HSD17B12: variants seen among roughly 807,000 people sequenced by gnomAD.
The protein encoded by HSD17B12 is hydroxysteroid 17-beta dehydrogenase 12, also known as very-long-chain 3-oxoacyl-CoA reductase.
HSD17B12 carries 32 observed loss-of-function variants against 39.3 expected under a neutral mutation model. That is an observed-to-expected ratio of 0.81 (90% CI 0.61 to 1.09). The LOEUF (loss-of-function observed/expected upper bound fraction) is 1.09. HSD17B12 is among the 50% of genes least tolerant of loss of function. HSD17B12 has a pLI of 0.00. For missense variants in HSD17B12, 342 were observed against 382.9 expected (o/e 0.89, Z 0.89); for synonymous variants, 150 against 146.7 (o/e 1.02, Z -0.16).
chr11:43,852,705 G>A (rs1292272706), intron 9 of HSD17B12: 4 of 152,118 alleles, frequency 2.6e-5, no homozygotes, highest in Admixed American at 1.3e-4. Context: ...TGCTCTCATA[G>A]ACTATATCCT....
chr11:43,827,885 AT>A (rs1951261640), intron 6 of HSD17B12, among the ~76,000 whole-genome samples: 1 of 152,218 alleles, frequency 6.6e-6, no homozygotes, highest in South Asian at 2.1e-4. Flanking sequence ...CAAGACATTC[AT>A]TTTTCCTCAT....
chr11:43,789,846 C>T lies in HSD17B12; in HGVS notation c.284-8474C>T, dbSNP rs1023825250. On this transcript the variant is annotated intron_variant, in intron 3 of 10. Transcript: ENST00000278353. The stretch of plus-strand genomic sequence containing the variant: ...ACTTGGGAGGCTGAGATGGGAGGAT[C>T]TCTTGAACCCAGAAGGTCCAAGCTG... Among the ~76,000 whole-genome samples, 7 of 152,080 alleles carry T rather than the reference C, an allele frequency of 4.6e-5. 1 individual carries two copies. The East Asian group carries it at 1.4e-3, about 29-fold the overall frequency.
the HSD17B12 span, among the ~76,000 whole-genome samples, chr11:43,634,845 T>C: frequency 1.3e-5 from 2 of 152,200 alleles, no homozygotes; most frequent in Non-Finnish European, 2.9e-5. Context: ...TAAGAACGCG[T>C]GTGTACTGTC....
intron 4 of HSD17B12, among the ~76,000 whole-genome samples, chr11:43,801,616 A>T: frequency 9.8e-5 from 2 of 20,382 alleles, no homozygotes; most frequent in Non-Finnish European, 3.0e-4. Flanking sequence ...ATATATATAT[A>T]TATATATATA....
intron 8 of HSD17B12, 121 bp from the exon 9 acceptor site, chr11:43,839,878 G>GA (rs1389826168): frequency 3.3e-5 from 28 of 854,896 alleles, no homozygotes; most frequent in South Asian, 2.6e-4. Flanking sequence ...CGTTTGAAAT[G>GA]AAAAAAATGA....
the HSD17B12 span, among the ~76,000 whole-genome samples, chr11:43,575,914 C>G: frequency 6.6e-6 from 1 of 152,178 alleles, no homozygotes; most frequent in Admixed American, 6.5e-5. This position sits in a 1 kb window ranked among gnomAD's most constrained non-coding sequence, Gnocchi z 4.1. Context: ...GCAAACACAA[C>G]GCGATTTTGC....
chr11:43,773,300 G>A (rs1452079834), intron 3 of HSD17B12, among the ~76,000 whole-genome samples: 1 of 152,100 alleles, frequency 6.6e-6, no homozygotes, highest in Non-Finnish European at 1.5e-5. Context: ...CTGGAGTGTA[G>A]TGGTGTGATC....
At chr11:43,778,407 TA>T (rs1209612490) in intron 3 of HSD17B12, among the ~76,000 whole-genome samples, 1 of 152,100 alleles carries the variant, frequency 6.6e-6, no homozygotes, top group Non-Finnish European at 1.5e-5. Flanking sequence ...ACCAGAGGTA[TA>T]AGGAGGAACT....
chr11:43,795,919 A>T (rs1366294666), intron 3 of HSD17B12, among the ~76,000 whole-genome samples: 1 of 151,852 alleles, frequency 6.6e-6, no homozygotes, highest in Non-Finnish European at 1.5e-5. Flanking sequence ...GCTGGGGGGG[A>T]TGGTTGCATT....
chr11:43,611,788 C>G, the HSD17B12 span, among the ~76,000 whole-genome samples: 1 of 152,174 alleles, frequency 6.6e-6, no homozygotes, highest in African/African-American at 2.4e-5. Flanking sequence ...AACTACCCAT[C>G]ATACATTATC....
chr11:43,587,626 G>A, the HSD17B12 span, among the ~76,000 whole-genome samples: 1 of 152,226 alleles, frequency 6.6e-6, no homozygotes, highest in Admixed American at 6.5e-5. Context: ...GAGAGGCAAG[G>A]CAGACGTGGA....
chr11:43,581,601 TC>T, the HSD17B12 span: 4 of 381,504 alleles, frequency 1.0e-5, no homozygotes, highest in East Asian at 3.0e-4. This position sits in a 1 kb window ranked among gnomAD's most constrained non-coding sequence, Gnocchi z 4.9. Flanking sequence ...TTCGGCCCTT[TC>T]CCCCGTCCTT....
At chr11:43,687,416 G>A (rs1477909729) in intron 1 of HSD17B12, among the ~76,000 whole-genome samples, 1 of 152,190 alleles carries the variant, frequency 6.6e-6, no homozygotes, top group Non-Finnish European at 1.5e-5. Flanking sequence ...ACTGTGCTAT[G>A]GTAAGTGGTG....
the HSD17B12 span, among the ~76,000 whole-genome samples, chr11:43,563,987 T>A: frequency 1.3e-4 from 20 of 152,032 alleles, no homozygotes; most frequent in Non-Finnish European, 2.2e-4. Flanking sequence ...CAATCATCGC[T>A]CACTACAGCC....
the HSD17B12 span, among the ~76,000 whole-genome samples, chr11:43,605,229 A>C: frequency 6.6e-6 from 1 of 152,128 alleles, no homozygotes; most frequent in Non-Finnish European, 1.5e-5. Context: ...TAGGTGGTCC[A>C]TGGAATGACT....
the HSD17B12 span, among the ~76,000 whole-genome samples, chr11:43,586,988 GA>G: frequency 2.0e-5 from 3 of 152,210 alleles, no homozygotes; most frequent in Non-Finnish European, 4.4e-5. Flanking sequence ...AGAAAAATGA[GA>G]TGGGGTGAAA....
At chr11:43,572,561 G>A in the HSD17B12 span, among the ~76,000 whole-genome samples, 13,257 of 152,210 alleles carry the variant, frequency 0.087, 627 homozygotes, top group South Asian at 0.14. Context: ...AAGACTTTTA[G>A]ACAAGCTGTT....
Position 43,805,461 on chromosome 11 carries a change from C to T in HSD17B12, c.391+7034C>T, listed in dbSNP as rs191217056. On this transcript the variant is annotated intron_variant, in intron 4 of 10. Coordinates refer to ENST00000278353, the MANE Select transcript of HSD17B12 (RefSeq NM_016142.3). Reference sequence around the variant, plus strand: ...TCAGTGGGGTGCAGAGATGGAGACACGCAGAAGGACAAAATAAAATTATGT... The same window carrying T: ...TCAGTGGGGTGCAGAGATGGAGACATGCAGAAGGACAAAATAAAATTATGT... 3.2e-4 allele frequency among the ~76,000 whole-genome samples: 49 copies of T among 152,144 alleles called. No individual in the cohort carries two copies. In the East Asian group the frequency reaches 7.1e-3, roughly 22 times the overall value.
the HSD17B12 span, among the ~76,000 whole-genome samples, chr11:43,657,906 C>CT: frequency 1.3e-5 from 2 of 152,194 alleles, no homozygotes; most frequent in African/African-American, 4.8e-5. Flanking sequence ...TGAGGAGTAT[C>CT]TTTGTGGTGT....
Sources: gnomAD v4.1 joint callset for allele counts (sites outside exome capture counted in the v4.1 genomes callset) on GRCh38, gnomAD v4.1.1 for gene constraint, Gnocchi (gnomAD v3.1) non-coding constraint, MANE v1.5 for transcripts, NCBI Gene and HGNC (gene_info 2026-07-23, HGNC 2026-07-21) for gene names.